The following DNAJC6 variants were observed in gnomAD, a reference collection of about 807,000 sequenced individuals.
DNAJC6 encodes the protein auxilin.
A neutral mutation model predicts 110.0 loss-of-function variants in DNAJC6; 34 were observed. The ratio of observed to expected loss-of-function variants is 0.31; its 90% confidence interval spans 0.24 to 0.41. The LOEUF (loss-of-function observed/expected upper bound fraction) is 0.41. Among genes scored for constraint, DNAJC6 ranks in the 10% least tolerant of loss-of-function variants. The pLI is 1.00. For synonymous variants in DNAJC6, 406 were observed against 437.2 expected (o/e 0.93, Z 0.89); for missense variants, 1,031 against 1,207.8 (o/e 0.85, Z 2.17).
At chr1:65,380,921 G>GTTTTTTTTTTTTTT (rs1162044500) in intron 5 of DNAJC6, among the ~76,000 whole-genome samples, 12 of 99,354 alleles carry the variant, frequency 1.2e-4, no homozygotes, top group African/African-American at 1.6e-4. Flanking sequence ...GTTTTGTTTT[G>GTTTTTTTTTTTTTT]TTTTTTTTTT....
Position 65,368,699 on chromosome 1 carries a change from T to TCCTCCTCCTCTC in DNAJC6, c.543+2512_543+2513insCTCCCTCCTCCT, listed in dbSNP as rs1256428219. On this transcript the variant is annotated intron_variant, in intron 4 of 18. Coordinates refer to ENST00000371069, the MANE Select transcript of DNAJC6 (RefSeq NM_001256864.2). ...TCCCTTCCTCCCTTCCTCCTCCTCTTCCTCCTCCTTCTTCTTCCTCTTCTT... is the reference window on the plus strand; with the variant it reads ...TCCCTTCCTCCCTTCCTCCTCCTCTTCCTCCTCCTCTCCCTCCTCCTTCTTCTTCCTCTTCTT... 2.4e-3 allele frequency among the ~76,000 whole-genome samples: 243 copies of TCCTCCTCCTCTC among 101,038 alleles called. 2 individuals are homozygous for TCCTCCTCCTCTC. Among genetic ancestry groups the TCCTCCTCCTCTC allele is most frequent in the African/African-American group, 0.012 (234 of 19,204 alleles). 66.3% of individuals were successfully genotyped at this position (101,038 alleles called of 152,430 possible).
intron 4 of DNAJC6, among the ~76,000 whole-genome samples, chr1:65,376,851 C>T (rs565894086): frequency 6.1e-4 from 93 of 152,228 alleles, no homozygotes; most frequent in Admixed American, 1.2e-3. Context: ...TTCACTGCAA[C>T]CTCCACCTCC....
chr1:65,267,888 GTGT>G (rs1321751301), intron 1 of DNAJC6, among the ~76,000 whole-genome samples: 2 of 8,826 alleles, frequency 2.3e-4, no homozygotes, highest in African/African-American at 5.0e-4. Flanking sequence ...GTGAGGTGGT[GTGT>G]GTGTGTGTGT....
intron 1 of DNAJC6, among the ~76,000 whole-genome samples, chr1:65,360,113 C>G (rs1024556463): frequency 6.6e-6 from 1 of 152,188 alleles, no homozygotes; most frequent in Non-Finnish European, 1.5e-5. Flanking sequence ...TGAAACCTCT[C>G]TGCCCTTTCT....
In DNAJC6 at chr1:65,331,109, T is replaced by C. The variant is rs1328660252; in HGVS notation, c.193+21171T>C. Among the ~76,000 whole-genome samples the C allele has an allele frequency of 2.6e-5, 4 of 151,370 alleles. No homozygotes were observed. The East Asian group carries it at 5.8e-4, about 22-fold the overall frequency. On this transcript the variant is annotated intron_variant, in intron 1 of 18. Coordinates refer to ENST00000371069, the MANE Select transcript of DNAJC6 (RefSeq NM_001256864.2). ...TAGTCCATGCGACGAGCTAAAAATATTCCTAAGAAGAACAAGGAGGGGAGA... is the reference window on the plus strand; with the variant it reads ...TAGTCCATGCGACGAGCTAAAAATACTCCTAAGAAGAACAAGGAGGGGAGA...
At chr1:65,352,270 A>G (rs912926345) in intron 1 of DNAJC6, among the ~76,000 whole-genome samples, 1 of 152,102 alleles carries the variant, frequency 6.6e-6, no homozygotes, top group Non-Finnish European at 1.5e-5. Context: ...TCATTGTCCA[A>G]GGGGGGCTTC....
At chr1:65,391,519 T>C (rs1645925649) in intron 11 of DNAJC6, among the ~76,000 whole-genome samples, 1 of 152,176 alleles carries the variant, frequency 6.6e-6, no homozygotes, top group Non-Finnish European at 1.5e-5. Context: ...GCTCTTCTTT[T>C]CACTTTTTAA....
intron 1 of DNAJC6, among the ~76,000 whole-genome samples, chr1:65,322,139 C>T (rs566225124): frequency 5.4e-4 from 82 of 152,262 alleles, no homozygotes; most frequent in African/African-American, 2.0e-3. Flanking sequence ...GCAGTTGTAA[C>T]GGAAGACAGC....
At chr1:65,344,020 C>T (rs1461751937) in intron 1 of DNAJC6, among the ~76,000 whole-genome samples, 1 of 152,192 alleles carries the variant, frequency 6.6e-6, no homozygotes, top group Non-Finnish European at 1.5e-5. Flanking sequence ...AGGTCTTGGA[C>T]TGTATCCTCT....
At chr1:65,309,983 T>C (rs1570259762) in intron 1 of DNAJC6, 45 bp downstream of exon 1, 2 of 1,356,554 alleles carry the variant, frequency 1.5e-6, no homozygotes. Context: ...CCGCGCGGCC[T>C]CCGGAGCCTC....
At position 65,384,227 on chromosome 1, in the gene DNAJC6, C is replaced by G; in HGVS notation, c.701C>G (p.Ala234Gly). ...GCGGCATCATCAATTCTGGTTGGTG[C>G]TATGTTCATTTTCTGTAATCTCTAC... is the stretch of plus-strand genomic sequence containing the variant. ...GRAASSILVG[A>G]MFIFCNLYST... is the part of the protein sequence containing the mutation. Residue 234 changes from alanine to glycine, a missense_variant, in exon 6 of 19, where the codon GCT becomes GGT. Coordinates refer to ENST00000371069, the MANE Select transcript of DNAJC6 (RefSeq NM_001256864.2). The G allele has an allele frequency of 6.4e-7, 1 of 1,573,586 alleles. No homozygotes were observed. The highest frequency in any genetic ancestry group is 1.2e-5 in the South Asian group (1 of 84,254).
intron 1 of DNAJC6, among the ~76,000 whole-genome samples, chr1:65,278,371 G>A (rs1024169252): frequency 2.0e-5 from 3 of 152,202 alleles, no homozygotes; most frequent in Non-Finnish European, 4.4e-5. Flanking sequence ...AGAGTGATTG[G>A]TGGAATTGTG....
intron 14 of DNAJC6, among the ~76,000 whole-genome samples, chr1:65,400,106 G>A (rs1446288108): frequency 6.6e-6 from 1 of 150,544 alleles, no homozygotes; most frequent in Admixed American, 6.6e-5. Flanking sequence ...CTTAGGCCCA[G>A]GAGGTTGAGG....
intron 4 of DNAJC6, among the ~76,000 whole-genome samples, chr1:65,368,052 G>T (rs1399896658): frequency 6.6e-6 from 1 of 152,110 alleles, no homozygotes. Flanking sequence ...AATGTGGAAA[G>T]AATTGTTAAA....
chr1:65,277,554 G>A (rs1240777505), intron 1 of DNAJC6, among the ~76,000 whole-genome samples: 1 of 152,140 alleles, frequency 6.6e-6, no homozygotes, highest in Non-Finnish European at 1.5e-5. Context: ...GCTTTGTTGA[G>A]GGGGAGAAGT....
At chr1:65,348,915 G>T (rs1645461623) in intron 1 of DNAJC6, among the ~76,000 whole-genome samples, 1 of 146,722 alleles carries the variant, frequency 6.8e-6, no homozygotes, top group African/African-American at 2.5e-5. Context: ...CTATATATAT[G>T]TGGTACGTAT....
At chr1:65,311,333 T>A (rs1645099484) in intron 1 of DNAJC6, among the ~76,000 whole-genome samples, 1 of 149,778 alleles carries the variant, frequency 6.7e-6, no homozygotes, top group African/African-American at 2.5e-5. Flanking sequence ...CAAGCGATTC[T>A]CCTGCCTCAG....
rs184769811 is a variant in DNAJC6, at chr1:65,340,839, A to G, written c.194-23796A>G. 3.0e-4 allele frequency among the ~76,000 whole-genome samples: 45 copies of G among 152,296 alleles called. No homozygotes were observed. The East Asian group carries it at 7.1e-3, about 24-fold the overall frequency. On this transcript the variant is annotated intron_variant, in intron 1 of 18. Transcript: ENST00000371069. ...TGTGTTATTACACTTTCTATTTATC[A>G]GAAGCTACTGAGGGGTGTTGAAAGA... is the stretch of plus-strand genomic sequence containing the variant.
chr1:65,385,989 C>A, intron 7 of DNAJC6, 83 bp downstream of exon 7: 1 of 1,309,796 alleles, frequency 7.6e-7, no homozygotes, highest in Non-Finnish European at 1.0e-6. Flanking sequence ...CATATTCTTC[C>A]TGCAAGACTA....
Sources: allele counts gnomAD v4.1 joint callset (sites outside exome capture counted in the v4.1 genomes callset), GRCh38; gene constraint gnomAD v4.1.1; transcripts MANE v1.5; gene names NCBI Gene and HGNC (gene_info 2026-07-23, HGNC 2026-07-21).